Variants in AHCYL2 observed in about 807,000 individuals in gnomAD.
AHCYL2 encodes adenosylhomocysteinase like 2.
Under a neutral mutation model 81.4 loss-of-function variants are expected in AHCYL2, and 28 were observed. That is an observed-to-expected ratio of 0.34 (90% CI 0.25 to 0.47). The LOEUF is 0.47. AHCYL2 is among the 20% of genes least tolerant of loss of function. The pLI is 1.00. For missense variants in AHCYL2, 551 were observed against 785.1 expected, an observed-to-expected ratio of 0.70 and a Z score of 3.56; for synonymous variants, 272 against 290.2, an observed-to-expected ratio of 0.94 and a Z score of 0.64.
intron 5 of AHCYL2, among the ~76,000 whole-genome samples, chr7:129,399,821 G>A (rs775707331): frequency 2.7e-5 from 4 of 150,086 alleles, no homozygotes; most frequent in Non-Finnish European, 3.0e-5. Flanking sequence ...CCACCTCCCA[G>A]GTTCAAGCAA....
intron 1 of AHCYL2, among the ~76,000 whole-genome samples, chr7:129,314,183 A>T (rs1399092332): frequency 6.6e-6 from 1 of 152,172 alleles, no homozygotes; most frequent in Non-Finnish European, 1.5e-5. Flanking sequence ...TTCTAGTCTC[A>T]TGTGTCACTT....
At chr7:129,233,283 C>A (rs1794513065) in intron 1 of AHCYL2, among the ~76,000 whole-genome samples, 1 of 152,036 alleles carries the variant, frequency 6.6e-6, no homozygotes, top group Non-Finnish European at 1.5e-5. Context: ...CTCCCTGGTT[C>A]AAGCAATCCT....
chr7:129,300,155 T>A (rs1485418504), intron 1 of AHCYL2, among the ~76,000 whole-genome samples: 1 of 152,182 alleles, frequency 6.6e-6, no homozygotes, highest in Non-Finnish European at 1.5e-5. Context: ...CCTATTATAC[T>A]CTTTTAGTTA....
chr7:129,328,646 C>G (rs1798311675), intron 1 of AHCYL2, among the ~76,000 whole-genome samples: 1 of 152,068 alleles, frequency 6.6e-6, no homozygotes. Flanking sequence ...CACTACCACC[C>G]AACTAATTTT....
chr7:129,368,560 A>C lies in AHCYL2; in HGVS notation c.364-11078A>C. ...ACATGCCTGAGTGGATGGTGAGTTC[A>C]CTGGTCGTTTTGTTTCTCCTTCTGT... On this transcript the variant is annotated intron_variant, in intron 1 of 16. Coordinates refer to ENST00000325006, the MANE Select transcript of AHCYL2 (RefSeq NM_015328.4). The surrounding 1 kb of genome is among the most constrained non-coding windows in gnomAD (Gnocchi z 4.4). The C allele has an allele frequency of 6.2e-7, 1 of 1,613,968 alleles. No homozygotes were observed. The highest frequency in any genetic ancestry group is 8.5e-7 in the Non-Finnish European group (1 of 1,179,872).
intron 1 of AHCYL2, among the ~76,000 whole-genome samples, chr7:129,294,259 A>G (rs1796978978): frequency 6.6e-6 from 1 of 152,140 alleles, no homozygotes. Flanking sequence ...CTCTCTTTAG[A>G]TTGATGCCAA....
At position 129,429,398 on chromosome 7, in the gene AHCYL2, C is replaced by A. The variant is rs895103142; in HGVS notation, c.*2353C>A. ...TGTCTTCTTTCCTCCAACCTCTTAC[C>A]TTAGATGCATCCTGGTTATCTGGAA... is the stretch of plus-strand genomic sequence containing the variant. On this transcript the variant is annotated 3_prime_UTR_variant, in exon 17 of 17. Coordinates refer to ENST00000325006, the MANE Select transcript of AHCYL2 (RefSeq NM_015328.4). 6.6e-6 allele frequency: 1 copy of A among 152,172 alleles called. No homozygotes were observed. The highest frequency in any genetic ancestry group is 6.5e-5 in the Admixed American group (1 of 15,274). 9.4% of individuals were successfully genotyped at this position (152,172 alleles called of 1,614,324 possible). A position where few individuals can be genotyped will look rare whatever the true frequency, so the allele number is the denominator to read the frequency against.
intron 1 of AHCYL2, among the ~76,000 whole-genome samples, chr7:129,320,507 C>T (rs552553761): frequency 1.3e-5 from 2 of 152,084 alleles, no homozygotes; most frequent in East Asian, 3.9e-4. Context: ...AGTAGAGATG[C>T]GGTTTCACCA....
At chr7:129,424,064 C>G (rs1459670629) in intron 13 of AHCYL2, among the ~76,000 whole-genome samples, 1 of 151,968 alleles carries the variant, frequency 6.6e-6, no homozygotes, top group South Asian at 2.1e-4. Context: ...TCATAGGAAA[C>G]AAAATAGGAA....
intron 1 of AHCYL2, among the ~76,000 whole-genome samples, chr7:129,237,742 T>C (rs1245316295): frequency 3.3e-5 from 5 of 152,116 alleles, no homozygotes; most frequent in Non-Finnish European, 7.3e-5. Context: ...AATATTATTA[T>C]TCTGAGACAG....
chr7:129,284,347 C>T (rs773263370), intron 1 of AHCYL2, among the ~76,000 whole-genome samples: 2 of 152,094 alleles, frequency 1.3e-5, no homozygotes, highest in Non-Finnish European at 2.9e-5. Context: ...CCTGTAATCC[C>T]AGCACTTTGG....
intron 1 of AHCYL2, among the ~76,000 whole-genome samples, chr7:129,342,250 GTCT>G (rs1253702646): frequency 3.3e-5 from 5 of 152,140 alleles, no homozygotes. Context: ...AGAAACCCAA[GTCT>G]TCTTAGACTC....
intron 1 of AHCYL2, among the ~76,000 whole-genome samples, chr7:129,309,157 A>G (rs545595569): frequency 1.3e-5 from 2 of 152,258 alleles, no homozygotes; most frequent in Non-Finnish European, 2.9e-5. Flanking sequence ...ACTTGAACCC[A>G]GGAGGTGGAG....
chr7:129,388,931 C>A, intron 2 of AHCYL2, 125 bp from the exon 3 acceptor site: 1 of 1,066,924 alleles, frequency 9.4e-7, no homozygotes, highest in Non-Finnish European at 1.3e-6. Flanking sequence ...CCTGCAGGTA[C>A]TTAACAGAGG....
chr7:129,368,328 T>C lies in AHCYL2; in HGVS notation c.364-11310T>C. 1 of 1,452,346 alleles carries C rather than the reference T, an allele frequency of 6.9e-7. No individual in the cohort carries two copies. Among genetic ancestry groups the C allele is most frequent in the Non-Finnish European group, 9.1e-7 (1 of 1,101,790 alleles). 90.0% of individuals were successfully genotyped at this position (1,452,346 alleles called of 1,614,324 possible). On this transcript the variant is annotated intron_variant, in intron 1 of 16. Transcript: ENST00000325006. The surrounding 1 kb of genome is among the most constrained non-coding windows in gnomAD (Gnocchi z 4.4). ...TTGTCAGGCAGTTGACTAATGCTCTTGATTTGAATCGGAGGCTGCTGTGAA... is the reference window on the plus strand; with the variant it reads ...TTGTCAGGCAGTTGACTAATGCTCTCGATTTGAATCGGAGGCTGCTGTGAA...
At chr7:129,228,870 A>T (rs1448294849) in intron 1 of AHCYL2, among the ~76,000 whole-genome samples, 1 of 152,172 alleles carries the variant, frequency 6.6e-6, no homozygotes, top group Non-Finnish European at 1.5e-5. Context: ...CCATGTTAGC[A>T]CTTCTTGTCC....
chr7:129,304,668 G>A (rs1007258449), intron 1 of AHCYL2, among the ~76,000 whole-genome samples: 5 of 152,050 alleles, frequency 3.3e-5, no homozygotes, highest in Non-Finnish European at 5.9e-5. Flanking sequence ...TTTTTGTCTT[G>A]AAATCTATTT....
chr7:129,254,429 G>A (rs919260055), intron 1 of AHCYL2, among the ~76,000 whole-genome samples: 1 of 152,112 alleles, frequency 6.6e-6, no homozygotes, highest in African/African-American at 2.4e-5. Context: ...TTGAAATAAA[G>A]CAGGTGACTT....
At chr7:129,356,781 G>A (rs947689603) in intron 1 of AHCYL2, among the ~76,000 whole-genome samples, 1 of 152,076 alleles carries the variant, frequency 6.6e-6, no homozygotes, top group Non-Finnish European at 1.5e-5. Flanking sequence ...TTTACTTAAG[G>A]CCTTGAAGAT....
Sources: gnomAD v4.1 joint callset for allele counts (sites outside exome capture counted in the v4.1 genomes callset) on GRCh38, gnomAD v4.1.1 for gene constraint, Gnocchi (gnomAD v3.1) non-coding constraint, MANE v1.5 for transcripts, NCBI Gene and HGNC (gene_info 2026-07-23, HGNC 2026-07-21) for gene names.